The following CHRM3 variants were observed in gnomAD, a reference collection of about 807,000 sequenced individuals.
CHRM3 encodes muscarinic acetylcholine receptor M3.
A neutral mutation model predicts 41.8 loss-of-function variants in CHRM3; 11 were observed. The ratio of observed to expected loss-of-function variants is 0.26; its 90% CI spans 0.17 to 0.44. The LOEUF (loss-of-function observed/expected upper bound fraction) is 0.44. Ranked by LOEUF, CHRM3 falls within the 20% of genes least tolerant of loss-of-function variation. CHRM3 has a pLI of 1.00. For missense variants in CHRM3, 571 were observed against 745.4 expected, an observed-to-expected ratio of 0.77 and a Z score of 2.72; for synonymous variants, 297 against 301.4, an observed-to-expected ratio of 0.99 and a Z score of 0.15.
intron 6 of CHRM3, 74 bp downstream of exon 6, chr1:239,827,452 G>A (rs1672546923): frequency 6.6e-6 from 1 of 152,130 alleles, no homozygotes; most frequent in Admixed American, 6.5e-5. Flanking sequence ...TTGCCTTTTT[G>A]TATTCTGGCC....
intron 2 of CHRM3, among the ~76,000 whole-genome samples, chr1:239,530,707 TAGAG>T (rs566776624): frequency 6.6e-5 from 10 of 151,988 alleles, no homozygotes; most frequent in East Asian, 1.9e-4. Context: ...AATGAAAACT[TAGAG>T]AGGAGCACAA....
chr1:239,889,524 G>A (rs1383363089), intron 6 of CHRM3, among the ~76,000 whole-genome samples: 2 of 152,110 alleles, frequency 1.3e-5, no homozygotes, highest in Non-Finnish European at 2.9e-5. Context: ...TATGTTTGCA[G>A]CTCGATTTTT....
rs189462922 is a variant in CHRM3, at chr1:239,913,274, A to C, written c.*4050A>C. 5 of 167,062 alleles carry C rather than the reference A, an allele frequency of 3.0e-5. No homozygotes were observed. Among genetic ancestry groups the C allele is most frequent in the Non-Finnish European group, 7.3e-5 (5 of 68,122 alleles). 10.3% of individuals were successfully genotyped at this position (167,062 alleles called of 1,614,324 possible). ...TCACAAAATAGAGTTTCTAGGTAGC[A>C]GGTGTTTGCTTTGGTTTTGCAATAG... On this transcript the variant is annotated 3_prime_UTR_variant, in exon 7 of 7. Transcript: ENST00000676153.
At chr1:239,649,509 C>T (rs190904478) in intron 4 of CHRM3, among the ~76,000 whole-genome samples, 5 of 152,288 alleles carry the variant, frequency 3.3e-5, no homozygotes, top group Admixed American at 3.3e-4. Context: ...GCAGTTGATA[C>T]AGATGACCTC....
At chr1:239,622,178 A>G (rs1025453034) in intron 3 of CHRM3, among the ~76,000 whole-genome samples, 1 of 152,170 alleles carries the variant, frequency 6.6e-6, no homozygotes, top group African/African-American at 2.4e-5. Flanking sequence ...AGATTCATTT[A>G]AAAATATTAC....
intron 1 of CHRM3, among the ~76,000 whole-genome samples, chr1:239,400,027 T>C (rs1659833099): frequency 6.6e-6 from 1 of 152,170 alleles, no homozygotes; most frequent in South Asian, 2.1e-4. Context: ...TTCTCCTGCC[T>C]CAGCCTCCCA....
intron 1 of CHRM3, among the ~76,000 whole-genome samples, chr1:239,401,534 A>G (rs1329698894): frequency 6.7e-6 from 1 of 150,232 alleles, no homozygotes; most frequent in African/African-American, 2.5e-5. Flanking sequence ...CTCTGTTGCC[A>G]GGCTGGAGTG....
intron 5 of CHRM3, among the ~76,000 whole-genome samples, chr1:239,815,551 A>G (rs1230921980): frequency 1.3e-5 from 2 of 152,248 alleles, no homozygotes; most frequent in Non-Finnish European, 2.9e-5. Context: ...CATATAGTAC[A>G]GTGGTTCTGA....
chr1:239,864,942 G>A (rs938861357), intron 6 of CHRM3, among the ~76,000 whole-genome samples: 7 of 152,148 alleles, frequency 4.6e-5, no homozygotes, highest in South Asian at 4.1e-4. Context: ...GTCTTCTAGG[G>A]TGGAGAAGGT....
chr1:239,621,250 C>G (rs1036341508), intron 3 of CHRM3, among the ~76,000 whole-genome samples: 5 of 152,118 alleles, frequency 3.3e-5, no homozygotes, highest in African/African-American at 1.2e-4. Context: ...ACTGCTCCAC[C>G]AACCACCCAT....
At chr1:239,870,395 A>G (rs950951422) in intron 6 of CHRM3, among the ~76,000 whole-genome samples, 5 of 152,290 alleles carry the variant, frequency 3.3e-5, no homozygotes, top group Admixed American at 6.5e-5. Flanking sequence ...CAGGCCTTCA[A>G]TTAAGTCATA....
chr1:239,438,637 A>C (rs1478374734), intron 1 of CHRM3, among the ~76,000 whole-genome samples: 1 of 152,098 alleles, frequency 6.6e-6, no homozygotes, highest in Non-Finnish European at 1.5e-5. Flanking sequence ...ATTATTTTTG[A>C]GATTTGGGAG....
intron 3 of CHRM3, among the ~76,000 whole-genome samples, chr1:239,597,986 C>T (rs1364879834): frequency 4.6e-5 from 7 of 151,150 alleles, no homozygotes; most frequent in Non-Finnish European, 7.4e-5. Flanking sequence ...GAAGTTCTAG[C>T]GAGACTTGAC....
At chr1:239,851,762 C>T (rs1674712220) in intron 6 of CHRM3, among the ~76,000 whole-genome samples, 1 of 152,096 alleles carries the variant, frequency 6.6e-6, no homozygotes, top group African/African-American at 2.4e-5. Context: ...GCCTATTTGA[C>T]TATTTGCTTC....
At chr1:239,532,138 G>A (rs1297971784) in intron 2 of CHRM3, among the ~76,000 whole-genome samples, 4 of 139,264 alleles carry the variant, frequency 2.9e-5, no homozygotes, top group Admixed American at 7.5e-5. Flanking sequence ...TCAGCCTCCC[G>A]AGTAGCTGGG....
At chr1:239,442,575 G>GT (rs1314369952) in intron 1 of CHRM3, among the ~76,000 whole-genome samples, 2 of 152,088 alleles carry the variant, frequency 1.3e-5, no homozygotes, top group Admixed American at 6.6e-5. Flanking sequence ...AATTTCAAGC[G>GT]TAAGTGGGGA....
At position 239,828,261 on chromosome 1, in the gene CHRM3, CAT is replaced by C. The variant is rs534718460; in HGVS notation, c.-20+885_-20+886del. On this transcript the variant is annotated intron_variant, in intron 6 of 6. Transcript: ENST00000676153. ...TTACACACACATAGATATACATACA[CAT>C]AGATACATTCATAAATACACACATA... Among the ~76,000 whole-genome samples, 181 of 152,188 alleles carry C rather than the reference CAT, an allele frequency of 1.2e-3. 1 individual carries two copies. Among genetic ancestry groups the C allele is most frequent in the African/African-American group, 4.1e-3 (172 of 41,548 alleles).
intron 1 of CHRM3, among the ~76,000 whole-genome samples, chr1:239,429,195 T>A (rs1449423192): frequency 6.6e-6 from 1 of 152,238 alleles, no homozygotes; most frequent in Non-Finnish European, 1.5e-5. Context: ...CACTTGCATT[T>A]TCTTTAGCTT....
intron 4 of CHRM3, among the ~76,000 whole-genome samples, chr1:239,643,992 T>C (rs898571213): frequency 2.6e-5 from 4 of 152,238 alleles, no homozygotes; most frequent in African/African-American, 9.6e-5. Context: ...ACCTATTTTA[T>C]AGCCATTCAG....
Sources: gnomAD v4.1 joint callset for allele counts (sites outside exome capture counted in the v4.1 genomes callset) on GRCh38, gnomAD v4.1.1 for gene constraint, MANE v1.5 for transcripts, NCBI Gene and HGNC (gene_info 2026-07-23, HGNC 2026-07-21) for gene names.